The following ZNF710 variants were observed in gnomAD, a reference collection of about 807,000 sequenced individuals.
ZNF710 encodes zinc finger protein 710.
A neutral mutation model predicts 50.6 loss-of-function variants in ZNF710; 13 were observed. That is an observed-to-expected ratio of 0.26 (90% confidence interval 0.17 to 0.41). The LOEUF is 0.41. ZNF710 is among the 10% of genes least tolerant of loss of function. ZNF710 has a pLI of 1.00. For missense variants in ZNF710, 721 were observed against 936.6 expected (o/e 0.77, Z 3.01); for synonymous variants, 383 against 397.0 (o/e 0.96, Z 0.42).
intron 4 of ZNF710, among the ~76,000 whole-genome samples, chr15:90,077,313 G>A (rs1450202244): frequency 4.8e-5 from 7 of 146,942 alleles, no homozygotes; most frequent in Non-Finnish European, 7.4e-5. Flanking sequence ...GCGCGATCTC[G>A]GCTCACTGCA....
rs1399140649 is a variant in ZNF710 at position 90,034,340 on chromosome 15, T to TTGTGCTGTTTTGTCTA, written c.-29+32730_-29+32745dup. The stretch of plus-strand genomic sequence containing the variant: ...TGCACTCAGGAAAGGGAGGAATTCT[T>TTGTGCTGTTTTGTCTA]TGTGCTGTTTTGTCTATGTTATTTG... On this transcript the variant is annotated intron_variant, in intron 1 of 4. Coordinates refer to ENST00000268154, the MANE Select transcript of ZNF710 (RefSeq NM_198526.4). This position sits in a 1 kb window ranked among gnomAD's most constrained non-coding sequence, Gnocchi z 4.0. Among the ~76,000 whole-genome samples, 1 of 151,886 alleles carries TTGTGCTGTTTTGTCTA rather than the reference T, an allele frequency of 6.6e-6. No individual in the cohort carries two copies. Among genetic ancestry groups the TTGTGCTGTTTTGTCTA allele is most frequent in the African/African-American group, 2.4e-5 (1 of 41,358 alleles).
intron 1 of ZNF710, among the ~76,000 whole-genome samples, chr15:90,057,506 G>A (rs889484873): frequency 6.6e-6 from 1 of 151,960 alleles, no homozygotes. Flanking sequence ...GACCAGCCTG[G>A]GTAACACGGT....
At chr15:90,054,078 C>T (rs899857787) in intron 1 of ZNF710, among the ~76,000 whole-genome samples, 2 of 151,994 alleles carry the variant, frequency 1.3e-5, no homozygotes, top group Non-Finnish European at 2.9e-5. Flanking sequence ...ATAAATGTCA[C>T]CCTGAGATGA....
intron 1 of ZNF710, among the ~76,000 whole-genome samples, chr15:90,014,508 C>A: frequency 7.4e-6 from 1 of 135,914 alleles, no homozygotes; most frequent in Non-Finnish European, 1.5e-5. Context: ...GAGACCCTAT[C>A]TCTTAAAAAA....
chr15:90,039,396 G>T (rs542270563), intron 1 of ZNF710, among the ~76,000 whole-genome samples: 1 of 152,168 alleles, frequency 6.6e-6, no homozygotes, highest in Non-Finnish European at 1.5e-5. Context: ...GCCATGCCCA[G>T]GTCCACTATC....
In ZNF710 at chr15:90,001,476, A is replaced by T. The variant is rs1898008169; in HGVS notation, c.-167A>T. 1 of 151,642 alleles carries T rather than the reference A, an allele frequency of 6.6e-6. No homozygotes were observed. The highest frequency in any genetic ancestry group is 2.4e-5 in the African/African-American group (1 of 41,154). 9.4% of individuals were successfully genotyped at this position (151,642 alleles called of 1,614,324 possible). On this transcript the variant is annotated 5_prime_UTR_variant, in exon 1 of 5. Transcript: ENST00000268154. ...AGAGAGGAGCCGGAGGGAGGGCGGC[A>T]GGAGCAGGCGGCGGGCGCGCGTGGA...
chr15:90,016,714 C>T (rs964014748), intron 1 of ZNF710, among the ~76,000 whole-genome samples: 4 of 152,212 alleles, frequency 2.6e-5, no homozygotes, highest in African/African-American at 7.2e-5. Context: ...GGCCACTGTG[C>T]CTGGCCTCTT....
At chr15:90,049,985 G>A (rs1899588359) in intron 1 of ZNF710, among the ~76,000 whole-genome samples, 1 of 152,252 alleles carries the variant, frequency 6.6e-6, no homozygotes, top group Non-Finnish European at 1.5e-5. Flanking sequence ...ATCATTGTTA[G>A]GTGACTGAGG....
chr15:90,054,611 G>A (rs1899753567), intron 1 of ZNF710, among the ~76,000 whole-genome samples: 2 of 152,340 alleles, frequency 1.3e-5, no homozygotes, highest in Admixed American at 1.3e-4. Context: ...GGCTAGAAAT[G>A]GTGTGCTTTC....
chr15:90,044,758 G>A (rs1392944765), intron 1 of ZNF710, among the ~76,000 whole-genome samples: 2 of 152,140 alleles, frequency 1.3e-5, no homozygotes, highest in Non-Finnish European at 2.9e-5. Context: ...CGTGTGCCTG[G>A]TTAGCACATT....
intron 4 of ZNF710, chr15:90,075,357 C>A (rs552427320): frequency 1.3e-5 from 2 of 152,172 alleles, no homozygotes; most frequent in African/African-American, 4.8e-5. Flanking sequence ...CTGGTCTCTA[C>A]AAAAATATTT....
chr15:90,067,557 C>T lies in ZNF710; in HGVS notation c.420C>T (p.Ala140=), dbSNP rs761369204. 15 of 1,612,774 alleles carry T rather than the reference C, an allele frequency of 9.3e-6. No homozygotes were observed. The highest frequency in any genetic ancestry group is 3.3e-5 in the South Asian group (3 of 90,966). Residue 140 remains alanine (A), a synonymous_variant, in exon 2 of 5, where the codon GCC becomes GCT. Coordinates refer to ENST00000268154, the MANE Select transcript of ZNF710 (RefSeq NM_198526.4). This position sits in a 1 kb window ranked among gnomAD's most constrained non-coding sequence, Gnocchi z 8.1. ...DKDAGPAEAP[A]EAASGGCDAL... ...ACGCAGGGCCAGCAGAAGCCCCCGC[C>T]GAGGCGGCCAGTGGCGGCTGCGACG...
At chr15:90,050,187 A>G (rs1246863974) in intron 1 of ZNF710, among the ~76,000 whole-genome samples, 8 of 152,116 alleles carry the variant, frequency 5.3e-5, no homozygotes, top group Admixed American at 5.2e-4. Context: ...ATAAATCCGT[A>G]CTCGAGCTGG....
intron 1 of ZNF710, among the ~76,000 whole-genome samples, chr15:90,050,236 G>T (rs1009142255): frequency 2.0e-5 from 3 of 152,232 alleles, no homozygotes; most frequent in African/African-American, 7.2e-5. Flanking sequence ...GATTACAGTA[G>T]TGGCTTCGGG....
intron 1 of ZNF710, among the ~76,000 whole-genome samples, chr15:90,012,617 A>AT (rs930742399): frequency 2.0e-4 from 30 of 150,804 alleles, no homozygotes; most frequent in Admixed American, 4.0e-4. Context: ...TTTCAGGGTA[A>AT]TTTTTTTTTC....
Position 90,039,899 on chromosome 15 carries a change from G to A in ZNF710, c.-28-27211G>A, listed in dbSNP as rs547859155. On this transcript the variant is annotated intron_variant, in intron 1 of 4. Transcript: ENST00000268154. ...CCTGGGACACCAAAGTCCCCTCTTC[G>A]AGTCACCCACATCTGTTTCATTCTG... 2.9e-4 allele frequency among the ~76,000 whole-genome samples: 44 copies of A among 152,274 alleles called. No homozygotes were observed. The Middle Eastern group carries it at 0.01, about 35-fold the overall frequency.
chr15:90,061,343 AT>A (rs139872967), intron 1 of ZNF710, among the ~76,000 whole-genome samples: 17,055 of 149,610 alleles, frequency 0.11, 2,733 homozygotes, highest in African/African-American at 0.36. Context: ...TAATTTTTGC[AT>A]TTTTTTTTGC....
At chr15:90,071,488 C>T (rs1299454260) in intron 2 of ZNF710, among the ~76,000 whole-genome samples, 1 of 151,898 alleles carries the variant, frequency 6.6e-6, no homozygotes, top group African/African-American at 2.4e-5. Flanking sequence ...AGACACAGTC[C>T]CTGCTGCTAA....
chr15:90,053,373 C>T (rs1164508792), intron 1 of ZNF710, among the ~76,000 whole-genome samples: 1 of 150,182 alleles, frequency 6.7e-6, no homozygotes, highest in African/African-American at 2.5e-5. Context: ...TTTTGAGACA[C>T]GGTCTCACTC....
Sources: allele counts gnomAD v4.1 joint callset (sites outside exome capture counted in the v4.1 genomes callset), GRCh38; gene constraint gnomAD v4.1.1; non-coding constraint Gnocchi (gnomAD v3.1); transcripts MANE v1.5; gene names NCBI Gene and HGNC (gene_info 2026-07-23, HGNC 2026-07-21).